The following LRP1B variants were observed in gnomAD, a reference collection of about 807,000 sequenced individuals.
The protein encoded by LRP1B is low-density lipoprotein receptor-related protein 1B.
Under a neutral mutation model 556.6 loss-of-function variants are expected in LRP1B, and 217 were observed. The observed-to-expected ratio is 0.39, with a 90% CI of 0.35 to 0.44. LRP1B has a LOEUF of 0.44. Among genes scored for constraint, LRP1B ranks in the 20% least tolerant of loss-of-function variants. LRP1B has a pLI of 1.00. For missense variants in LRP1B, 5,053 were observed against 5,620.8 expected (o/e 0.90, Z 3.23); for synonymous variants, 2,047 against 1,865.8 (o/e 1.10, Z -2.50).
intron 1 of LRP1B, among the ~76,000 whole-genome samples, chr2:141,960,878 A>G (rs764412958): frequency 1.6e-4 from 24 of 151,958 alleles, no homozygotes; most frequent in African/African-American, 5.5e-4. Flanking sequence ...TAAAAGCATA[A>G]TATCTTAAAG....
chr2:141,245,384 GGTCAT>G (rs1684029492), intron 5 of LRP1B, among the ~76,000 whole-genome samples: 1 of 152,238 alleles, frequency 6.6e-6, no homozygotes, highest in African/African-American at 2.4e-5. Context: ...CATAACATGA[GGTCAT>G]GTGTAAAGAG....
intron 5 of LRP1B, among the ~76,000 whole-genome samples, chr2:141,239,393 T>C (rs1459477656): frequency 2.6e-5 from 4 of 152,078 alleles, no homozygotes; most frequent in African/African-American, 9.7e-5. Flanking sequence ...TGAGTTTTTC[T>C]ATGCAGGAAA....
rs1314037669 is a variant in LRP1B at position 140,305,672 on chromosome 2, A to G, written c.12806-7703T>C. ...TTTCTCCTGCCTGATTGCCCTGGCC[A>G]GAACTTGCAACACTATGTTGAATAG... On this transcript the variant is annotated intron_variant, in intron 83 of 90. Coordinates refer to ENST00000389484, the MANE Select transcript of LRP1B (RefSeq NM_018557.3). Among the ~76,000 whole-genome samples the G allele has an allele frequency of 2.0e-5, 3 of 152,252 alleles. No homozygotes were observed. In the East Asian group the frequency reaches 5.8e-4, roughly 30 times the overall value.
chr2:141,322,144 A>T (rs1211192077), intron 3 of LRP1B, among the ~76,000 whole-genome samples: 1 of 152,090 alleles, frequency 6.6e-6, no homozygotes, highest in Non-Finnish European at 1.5e-5. Flanking sequence ...TCCCTACTTA[A>T]ATCTTATTCC....
intron 3 of LRP1B, among the ~76,000 whole-genome samples, chr2:141,409,190 T>C (rs541038791): frequency 4.6e-5 from 7 of 152,312 alleles, no homozygotes; most frequent in African/African-American, 1.4e-4. Flanking sequence ...TGCAATAGTC[T>C]TGACACACGT....
intron 66 of LRP1B, among the ~76,000 whole-genome samples, chr2:140,414,325 T>C (rs924820982): frequency 1.3e-5 from 2 of 152,162 alleles, no homozygotes; most frequent in South Asian, 4.1e-4. Flanking sequence ...TAGTTTCAGC[T>C]TCCTGTAATT....
chr2:141,300,907 A>T (rs1285224918), intron 3 of LRP1B, among the ~76,000 whole-genome samples: 1 of 152,200 alleles, frequency 6.6e-6, no homozygotes, highest in Non-Finnish European at 1.5e-5. Context: ...TGAGAGAATG[A>T]ACAGTGTTAT....
chr2:140,701,078 C>T (rs1406056632), intron 40 of LRP1B, among the ~76,000 whole-genome samples: 1 of 151,678 alleles, frequency 6.6e-6, no homozygotes, highest in Non-Finnish European at 1.5e-5. Flanking sequence ...TAAGTTCTTA[C>T]TCCAATTTTA....
intron 3 of LRP1B, among the ~76,000 whole-genome samples, chr2:141,367,122 A>G (rs1411942986): frequency 6.6e-6 from 1 of 152,220 alleles, no homozygotes; most frequent in Non-Finnish European, 1.5e-5. Context: ...TTGATAAAAT[A>G]TATAAGAGAA....
chr2:141,020,452 A>G (rs574945035), intron 11 of LRP1B, among the ~76,000 whole-genome samples: 3 of 152,106 alleles, frequency 2.0e-5, no homozygotes, highest in Non-Finnish European at 4.4e-5. Context: ...AAGCTTGAAT[A>G]TAAGTGACAA....
intron 2 of LRP1B, among the ~76,000 whole-genome samples, chr2:141,703,411 T>G (rs927703665): frequency 1.6e-4 from 25 of 151,952 alleles, no homozygotes; most frequent in Non-Finnish European, 3.2e-4. Context: ...CCTGTTTTTA[T>G]GTATTAATAA....
intron 5 of LRP1B, among the ~76,000 whole-genome samples, chr2:141,243,850 T>C (rs1683972001): frequency 6.6e-6 from 1 of 152,184 alleles, no homozygotes; most frequent in African/African-American, 2.4e-5. Context: ...AAAGGCCTCC[T>C]GTCTAACATT....
At chr2:141,309,163 G>C (rs953578381) in intron 3 of LRP1B, among the ~76,000 whole-genome samples, 2 of 152,102 alleles carry the variant, frequency 1.3e-5, no homozygotes, top group South Asian at 2.1e-4. Flanking sequence ...TGCCTTGTTG[G>C]CTTGCTTATT....
At chr2:140,671,114 A>G (rs1253384216) in intron 41 of LRP1B, among the ~76,000 whole-genome samples, 1 of 152,258 alleles carries the variant, frequency 6.6e-6, no homozygotes, top group East Asian at 1.9e-4. Context: ...TTAAAAGAAC[A>G]TACATTTATT....
At chr2:141,977,874 G>C (rs943232105) in intron 1 of LRP1B, among the ~76,000 whole-genome samples, 2 of 151,954 alleles carry the variant, frequency 1.3e-5, no homozygotes, top group Non-Finnish European at 2.9e-5. Flanking sequence ...GTTCATACAA[G>C]CCTAACTTAA....
At chr2:140,957,849 A>T (rs1284121372) in intron 18 of LRP1B, among the ~76,000 whole-genome samples, 1 of 151,548 alleles carries the variant, frequency 6.6e-6, no homozygotes, top group East Asian at 1.9e-4. Flanking sequence ...CTAAACTCTA[A>T]GTACAAGGGT....
intron 42 of LRP1B, 52 bp downstream of exon 42, chr2:140,601,398 A>G: frequency 7.7e-7 from 1 of 1,299,782 alleles, no homozygotes; most frequent in Non-Finnish European, 1.0e-6. Context: ...GAACTCTGAT[A>G]TTCTTTTGAC....
chr2:141,610,187 G>A (rs1688058384), intron 2 of LRP1B, among the ~76,000 whole-genome samples: 1 of 136,704 alleles, frequency 7.3e-6, no homozygotes, highest in Non-Finnish European at 1.6e-5. Flanking sequence ...CGTGGGGGGA[G>A]GGATAGCATT....
At chr2:141,931,753 G>C (rs142903768) in intron 1 of LRP1B, among the ~76,000 whole-genome samples, 1 of 152,080 alleles carries the variant, frequency 6.6e-6, no homozygotes, top group East Asian at 1.9e-4. Flanking sequence ...ATAAATACAT[G>C]TTTTAGAGAA....
Sources: allele counts gnomAD v4.1 joint callset (sites outside exome capture counted in the v4.1 genomes callset), GRCh38; gene constraint gnomAD v4.1.1; transcripts MANE v1.5; gene names NCBI Gene and HGNC (gene_info 2026-07-23, HGNC 2026-07-21).